VWF: variants seen among roughly 807,000 people sequenced by gnomAD.
VWF encodes the protein von Willebrand factor, also known as Factor VIII related antigen.
A neutral mutation model predicts 308.6 loss-of-function variants in VWF; 176 were observed. The observed-to-expected ratio is 0.57, with a 90% CI of 0.50 to 0.65. VWF has a LOEUF of 0.65. Ranked by LOEUF, VWF falls within the 30% of genes least tolerant of loss-of-function variation. The probability of loss-of-function intolerance (pLI) is 0.00; values close to 1 mark genes in which losing one functional copy is unlikely to be tolerated. For missense variants in VWF, 3,146 were observed against 3,648.2 expected (o/e 0.86, Z 3.55); for synonymous variants, 1,385 against 1,443.4 (o/e 0.96, Z 0.92).
Position 6,110,432 on chromosome 12 carries a change from G to T in VWF, c.474C>A (p.Thr158=). 6 of 1,614,164 alleles carry T rather than the reference G, an allele frequency of 3.7e-6. No individual in the cohort carries two copies. The highest frequency in any genetic ancestry group is 5.1e-6 in the Non-Finnish European group (6 of 1,180,030). Residue 158 remains threonine (T), a synonymous_variant, in exon 5 of 52, where the codon ACC becomes ACA. Transcript: ENST00000261405. ...VLLSDRYFNK[T]CGLCGNFNIF... is the part of the protein sequence containing the mutation. ...TGTTAAAGTTGCCACACAGCCCGCA[G>T]GTCTTGTTGAAGTATCTGTCTGACA...
rs150080096 is a variant in VWF at position 6,095,923 on chromosome 12, C to T, written c.533-339G>A. On this transcript the variant is annotated intron_variant, in intron 5 of 51. Coordinates refer to ENST00000261405, the MANE Select transcript of VWF (RefSeq NM_000552.5). The stretch of plus-strand genomic sequence containing the variant: ...CTGGGCTCAAGCAATCCTCCCCCAT[C>T]AGCCTCCCCAGTAGCTGGGAATGCA... 289 of 362,182 alleles carry T rather than the reference C, an allele frequency of 8.0e-4. 2 individuals carry two copies. The highest frequency in any genetic ancestry group is 5.7e-3 in the African/African-American group (269 of 47,332). The allele number at this position is 362,182 out of a possible 1,614,324, so 22.4% of individuals were successfully genotyped here. A position where few individuals can be genotyped will look rare whatever the true frequency, so the allele number is the denominator to read the frequency against.
intron 6 of VWF, among the ~76,000 whole-genome samples, chr12:6,092,628 T>TGAGAGTGAGAGTGAGAGAGAGAGA (rs1565386731): frequency 1.2e-5 from 1 of 80,192 alleles, no homozygotes; most frequent in African/African-American, 7.6e-5. Flanking sequence ...AGTGTGTGTG[T>TGAGAGTGAGAGTGAGAGAGAGAGA]GTGTGTGTGT....
At chr12:6,116,136 A>G (rs953506181) in intron 3 of VWF, among the ~76,000 whole-genome samples, 17 of 152,158 alleles carry the variant, frequency 1.1e-4, no homozygotes, top group Non-Finnish European at 1.0e-4. Context: ...TGAGCCCAGG[A>G]GAGACCCCTG....
At chr12:6,070,805 G>T (rs2136468881) in intron 10 of VWF, among the ~76,000 whole-genome samples, 1 of 152,336 alleles carries the variant, frequency 6.6e-6, no homozygotes, top group Middle Eastern at 3.4e-3. Context: ...CCAGGGCAGG[G>T]ACAGGATGGG....
chr12:5,950,943 T>C (rs1263844387), intron 50 of VWF, among the ~76,000 whole-genome samples: 1 of 152,198 alleles, frequency 6.6e-6, no homozygotes, highest in Non-Finnish European at 1.5e-5. Flanking sequence ...GCTTCCTCGA[T>C]CTGAGATTTG....
chr12:6,001,948 A>T (rs1267869756), intron 34 of VWF, among the ~76,000 whole-genome samples: 2 of 152,128 alleles, frequency 1.3e-5, no homozygotes, highest in Non-Finnish European at 2.9e-5. Flanking sequence ...AGATCTTTAC[A>T]CTTGGAAATT....
chr12:6,075,066 G>A lies in VWF; in HGVS notation c.874+269C>T, dbSNP rs1944826490. Among the ~76,000 whole-genome samples the A allele has an allele frequency of 7.0e-6, 1 of 143,838 alleles. No individual in the cohort carries two copies. The allele number at this position is 143,838 out of a possible 152,430, so 94.4% of individuals were successfully genotyped here. On this transcript the variant is annotated intron_variant, in intron 7 of 51. Coordinates refer to ENST00000261405, the MANE Select transcript of VWF (RefSeq NM_000552.5). This position sits in a 1 kb window ranked among gnomAD's most constrained non-coding sequence, Gnocchi z 4.7. ...GAACACTGTGTGAGTGCAGGGGTCGGATTTCCTGAGGGAAGTCAGGGGGCG... is the reference window on the plus strand; with the variant it reads ...GAACACTGTGTGAGTGCAGGGGTCGAATTTCCTGAGGGAAGTCAGGGGGCG...
chr12:6,110,613 G>C (rs567701780), intron 4 of VWF, 31 bp from the exon 5 acceptor site: 1 of 1,606,814 alleles, frequency 6.2e-7, no homozygotes, highest in Non-Finnish European at 8.5e-7. Flanking sequence ...TCAGAAGTGG[G>C]CTTCTTGTGC....
Position 5,985,609 on chromosome 12 carries a change from G to A in VWF, c.6855C>T (p.Ser2285=), listed in dbSNP as rs745659470. The A allele has an allele frequency of 2.9e-5, 46 of 1,614,018 alleles. 1 individual carries two copies. The highest frequency in any genetic ancestry group is 6.7e-5 in the East Asian group (3 of 44,896). Residue 2285 remains serine (S), a synonymous_variant, in exon 39 of 52, where the codon AGC becomes AGT. Coordinates refer to ENST00000261405, the MANE Select transcript of VWF (RefSeq NM_000552.5). ...HQPCQICTCL[S]GRKVNCTTQP... Reference sequence around the variant, plus strand: ...GCGTTGTGCAGTTGACCTTCCGCCCGCTGAGGCATGTGCAGATCTGACAGG... The same window carrying A: ...GCGTTGTGCAGTTGACCTTCCGCCCACTGAGGCATGTGCAGATCTGACAGG...
At chr12:5,957,618 AGTGAT>A in intron 47 of VWF, among the ~76,000 whole-genome samples, 2 of 152,172 alleles carry the variant, frequency 1.3e-5, no homozygotes, top group Admixed American at 6.5e-5. Context: ...ACATACTTAA[AGTGAT>A]GAAATTTAAA....
intron 3 of VWF, among the ~76,000 whole-genome samples, chr12:6,115,001 G>C (rs1464330288): frequency 6.6e-6 from 1 of 152,222 alleles, no homozygotes; most frequent in Non-Finnish European, 1.5e-5. Context: ...AGAGCAGTCA[G>C]TCCACAGCCG....
In VWF at chr12:6,031,542, G is replaced by A; in HGVS notation, c.2722C>T (p.Leu908=). 1 of 1,614,086 alleles carries A rather than the reference G, an allele frequency of 6.2e-7. No homozygotes were observed. Among genetic ancestry groups the A allele is most frequent in the Non-Finnish European group, 8.5e-7 (1 of 1,180,004 alleles). The change falls in exon 21 of 52, where the codon CTA becomes TTA. Residue 908 remains leucine, a synonymous_variant. Coordinates refer to ENST00000261405, the MANE Select transcript of VWF (RefSeq NM_000552.5). ...CGSNPGTFRI[L]VGNKGCSHPS... ...TGGCTGCATCCCTTATTCCCCACTAGGATCCGAAAGGTCCCAGGGTTACTG... is the reference window on the plus strand; with the variant it reads ...TGGCTGCATCCCTTATTCCCCACTAAGATCCGAAAGGTCCCAGGGTTACTG...
chr12:5,972,612 G>A (rs1226673324), intron 43 of VWF, among the ~76,000 whole-genome samples: 3 of 152,060 alleles, frequency 2.0e-5, no homozygotes, highest in East Asian at 1.9e-4. Context: ...CTCTCTGGAC[G>A]GTCTCAACAC....
intron 6 of VWF, among the ~76,000 whole-genome samples, chr12:6,081,577 A>T (rs527754610): frequency 2.6e-5 from 4 of 152,218 alleles, no homozygotes; most frequent in African/African-American, 9.6e-5. Context: ...TGACCTCGTG[A>T]TCCACCCGCC....
At position 5,982,005 on chromosome 12, in the gene VWF, A is replaced by G. The variant is rs1235591809; in HGVS notation, c.7082-14T>C. 2.5e-6 allele frequency: 4 copies of G among 1,612,548 alleles called. No homozygotes were observed. In the Admixed American group the frequency reaches 6.7e-5, roughly 27 times the overall value. On this transcript the variant is annotated splice_polypyrimidine_tract_variant and intron_variant, in intron 41 of 51. Coordinates refer to ENST00000261405, the MANE Select transcript of VWF (RefSeq NM_000552.5). ...CCTTCCTGCAGGCTGAGGGTAGGAC[A>G]AGGCCACACTGAGCACTGCGCCCAG... is the stretch of plus-strand genomic sequence containing the variant.
At chr12:6,018,300 T>G (rs1456200625) in intron 28 of VWF, 65 bp downstream of exon 28, 1 of 1,555,516 alleles carries the variant, frequency 6.4e-7, no homozygotes, top group African/African-American at 1.4e-5. Flanking sequence ...GGCAGATGCA[T>G]GTAGCACCAA....
chr12:6,113,269 C>T (rs2136525889), intron 3 of VWF, among the ~76,000 whole-genome samples: 1 of 151,276 alleles, frequency 6.6e-6, no homozygotes, highest in African/African-American at 2.4e-5. Context: ...GAAAAAGAAA[C>T]AACTGGAAAA....
At chr12:5,993,662 T>TAC (rs1215654297) in intron 37 of VWF, among the ~76,000 whole-genome samples, 200 bp downstream of exon 37, 2,469 of 144,344 alleles carry the variant, frequency 0.017, 76 homozygotes, top group African/African-American at 0.058. Context: ...TATATATATA[T>TAC]ATACACACAC....
rs71582863 is a variant in VWF, at chr12:6,046,514, A to G, written c.2281+209T>C. Among the ~76,000 whole-genome samples, 3 of 152,250 alleles carry G rather than the reference A, an allele frequency of 2.0e-5. No homozygotes were observed. The highest frequency in any genetic ancestry group is 4.4e-5 in the Non-Finnish European group (3 of 68,050). ...ACGAAATCAAATACTCCTTGCCTCAATGGTCGGGATTGACACATGCAAAGA... is the reference window on the plus strand; with the variant it reads ...ACGAAATCAAATACTCCTTGCCTCAGTGGTCGGGATTGACACATGCAAAGA... On this transcript the variant is annotated intron_variant, in intron 17 of 51. Transcript: ENST00000261405. The surrounding 1 kb of genome is among the most constrained non-coding windows in gnomAD (Gnocchi z 5.0).
Sources: gnomAD v4.1 joint callset for allele counts (sites outside exome capture counted in the v4.1 genomes callset) on GRCh38, gnomAD v4.1.1 for gene constraint, Gnocchi (gnomAD v3.1) non-coding constraint, MANE v1.5 for transcripts, NCBI Gene and HGNC (gene_info 2026-07-23, HGNC 2026-07-21) for gene names.